The following PRORP variants were observed in gnomAD, a reference collection of about 807,000 sequenced individuals.
PRORP encodes mitochondrial ribonuclease P catalytic subunit.
A neutral mutation model predicts 59.4 loss-of-function variants in PRORP; 51 were observed. The ratio of observed to expected loss-of-function variants is 0.86; its 90% CI spans 0.69 to 1.08. The LOEUF (loss-of-function observed/expected upper bound fraction) is 1.08, where lower values mean the gene tolerates loss of function less well. Among genes scored for constraint, PRORP ranks in the 50% least tolerant of loss-of-function variants. PRORP has a pLI of 0.00. For synonymous variants in PRORP, 231 were observed against 245.6 expected (o/e 0.94, Z 0.55); for missense variants, 646 against 690.3 (o/e 0.94, Z 0.72).
chr14:35,223,222 G>C (rs1024456364), intron 5 of PRORP, among the ~76,000 whole-genome samples: 7 of 88,252 alleles, frequency 7.9e-5, no homozygotes, highest in Middle Eastern at 6.0e-3. Context: ...CTTATCAGGT[G>C]CTCTTTTTTT....
intron 5 of PRORP, among the ~76,000 whole-genome samples, chr14:35,183,810 G>C (rs1004010942): frequency 1.3e-5 from 2 of 152,070 alleles, no homozygotes; most frequent in Non-Finnish European, 2.9e-5. Context: ...GGGCTGGATG[G>C]TTTCTTCCCC....
chr14:35,198,388 G>A, intron 5 of PRORP, among the ~76,000 whole-genome samples: 1 of 152,178 alleles, frequency 6.6e-6, no homozygotes, highest in East Asian at 1.9e-4. Flanking sequence ...AAAGGAGTCA[G>A]GAGAACAGTG....
rs542221266 is a variant in PRORP at position 35,252,584 on chromosome 14, G to A, written c.1276-14143G>A. ...ACTGCTGCTGCCTGTAGGTGTGGGT[G>A]GTCTCCAACCATGACTGGGCTTTAC... On this transcript the variant is annotated intron_variant, in intron 5 of 7. Transcript: ENST00000534898. 5.3e-5 allele frequency among the ~76,000 whole-genome samples: 8 copies of A among 152,234 alleles called. No homozygotes were observed. The East Asian group carries it at 1.4e-3, about 26-fold the overall frequency.
chr14:35,221,714 T>C (rs1291843558), intron 5 of PRORP, among the ~76,000 whole-genome samples: 2 of 152,198 alleles, frequency 1.3e-5, no homozygotes, highest in African/African-American at 4.8e-5. Context: ...TATCCTACTA[T>C]GACCTGGCCT....
At chr14:35,264,974 G>A (rs1363434568) in intron 5 of PRORP, among the ~76,000 whole-genome samples, 2 of 152,092 alleles carry the variant, frequency 1.3e-5, no homozygotes, top group African/African-American at 4.8e-5. Context: ...GGGCAACAGA[G>A]CAAGACTTCG....
At chr14:35,237,067 TTTCC>T (rs144513467) in intron 5 of PRORP, among the ~76,000 whole-genome samples, 214 of 144,078 alleles carry the variant, frequency 1.5e-3, no homozygotes, top group Non-Finnish European at 2.4e-3. Context: ...CCTTCCTTCC[TTTCC>T]TTCCTTCCTT....
chr14:35,208,980 G>A (rs886182566), intron 5 of PRORP, among the ~76,000 whole-genome samples: 4 of 152,050 alleles, frequency 2.6e-5, no homozygotes, highest in South Asian at 2.1e-4. Flanking sequence ...GCAGTGAGCC[G>A]AGATTGCACA....
At chr14:35,266,701 T>C (rs760958517) in intron 5 of PRORP, 26 bp from the exon 6 acceptor site, 18 of 1,610,344 alleles carry the variant, frequency 1.1e-5, no homozygotes, top group Admixed American at 3.4e-5. Flanking sequence ...CTTGAACTTT[T>C]GTGGTTCTGG....
chr14:35,225,918 G>A (rs2049922509), intron 5 of PRORP, among the ~76,000 whole-genome samples: 1 of 152,030 alleles, frequency 6.6e-6, no homozygotes, highest in Non-Finnish European at 1.5e-5. Context: ...AATGAGAAAA[G>A]AGCTTAAGAA....
chr14:35,266,346 G>A (rs28522717), intron 5 of PRORP, among the ~76,000 whole-genome samples: 4 of 151,212 alleles, frequency 2.6e-5, no homozygotes, highest in South Asian at 2.1e-4. Context: ...TTAGCCAGAC[G>A]TGGTGCACGT....
chr14:35,241,416 CA>C (rs1288989092), intron 5 of PRORP, among the ~76,000 whole-genome samples: 6 of 152,056 alleles, frequency 3.9e-5, no homozygotes, highest in Admixed American at 3.3e-4. Flanking sequence ...AATTTTATAT[CA>C]GGGACCTGAG....
intron 5 of PRORP, among the ~76,000 whole-genome samples, chr14:35,183,330 TC>T (rs907906876): frequency 2.6e-5 from 4 of 152,282 alleles, no homozygotes; most frequent in African/African-American, 9.6e-5. Context: ...TGGTTTTTGT[TC>T]ACGTTTTTTG....
At chr14:35,247,056 G>A (rs1460139284) in intron 5 of PRORP, among the ~76,000 whole-genome samples, 1 of 152,120 alleles carries the variant, frequency 6.6e-6, no homozygotes, top group Non-Finnish European at 1.5e-5. Context: ...GATGAAACAG[G>A]CTCAGAGAGG....
At chr14:35,131,927 C>G (rs2047250950) in intron 4 of PRORP, among the ~76,000 whole-genome samples, 1 of 151,754 alleles carries the variant, frequency 6.6e-6, no homozygotes, top group Admixed American at 6.6e-5. Context: ...GCAACCTCCG[C>G]CTCCCAGGTT....
At chr14:35,204,264 A>T (rs9806058) in intron 5 of PRORP, among the ~76,000 whole-genome samples, 25,225 of 152,042 alleles carry the variant, frequency 0.17, 2,681 homozygotes, top group African/African-American at 0.3. Flanking sequence ...AGAAAAAAAA[A>T]TTCTGCTTGA....
chr14:35,173,376 G>A (rs954705351), intron 4 of PRORP, among the ~76,000 whole-genome samples: 1 of 152,150 alleles, frequency 6.6e-6, no homozygotes, highest in African/African-American at 2.4e-5. Flanking sequence ...ACTCCAAACT[G>A]TCTCCCTTGC....
intron 5 of PRORP, among the ~76,000 whole-genome samples, chr14:35,234,127 G>A (rs1368161330): frequency 3.3e-5 from 5 of 152,140 alleles, no homozygotes; most frequent in East Asian, 1.9e-4. Flanking sequence ...ATGTGTGCTC[G>A]AAGAGAGTAA....
intron 4 of PRORP, among the ~76,000 whole-genome samples, chr14:35,177,987 T>C (rs2139025635): frequency 6.6e-6 from 1 of 152,336 alleles, no homozygotes. Context: ...TATTTCTGCC[T>C]TCATTTCATT....
chr14:35,262,094 T>C (rs1379413363), intron 5 of PRORP, among the ~76,000 whole-genome samples: 1 of 152,208 alleles, frequency 6.6e-6, no homozygotes, highest in Non-Finnish European at 1.5e-5. Context: ...TGTATTATCT[T>C]AAGCCATGTT....
Sources: allele counts gnomAD v4.1 joint callset (sites outside exome capture counted in the v4.1 genomes callset), GRCh38; gene constraint gnomAD v4.1.1; transcripts MANE v1.5; gene names NCBI Gene and HGNC (gene_info 2026-07-23, HGNC 2026-07-21).